The following SHB variants were observed in gnomAD, a reference collection of about 807,000 sequenced individuals.
SHB encodes SH2 domain-containing adapter protein B.
In SHB, 20 loss-of-function variants were observed where a neutral mutation model predicts 52.3. The observed-to-expected ratio is 0.38, with a 90% CI of 0.27 to 0.56. SHB has a LOEUF of 0.56. Ranked by LOEUF, SHB falls within the 20% of genes least tolerant of loss-of-function variation. SHB has a pLI of 0.71. For synonymous variants in SHB, 397 were observed against 316.5 expected, an observed-to-expected ratio of 1.25 and a Z score of -2.70; for missense variants, 825 against 723.3, an observed-to-expected ratio of 1.14 and a Z score of -1.61.
chr9:38,010,796 G>T (rs547050468), intron 2 of SHB, among the ~76,000 whole-genome samples: 9 of 152,260 alleles, frequency 5.9e-5, no homozygotes, highest in Admixed American at 4.6e-4. Context: ...CCGGCCTGGA[G>T]CCCCTGCAAT....
chr9:37,940,322 A>G (rs1258427148), intron 5 of SHB, among the ~76,000 whole-genome samples: 1 of 152,200 alleles, frequency 6.6e-6, no homozygotes, highest in Non-Finnish European at 1.5e-5. Flanking sequence ...TATTCCTCAC[A>G]GTGTCCCCTC....
At chr9:38,014,096 G>A (rs549015939) in intron 2 of SHB, among the ~76,000 whole-genome samples, 2 of 152,254 alleles carry the variant, frequency 1.3e-5, no homozygotes, top group Admixed American at 1.3e-4. Context: ...GCAAAGCGCA[G>A]GCCATACTTT....
chr9:37,937,639 G>A (rs1832388458), intron 5 of SHB, among the ~76,000 whole-genome samples: 1 of 152,206 alleles, frequency 6.6e-6, no homozygotes, highest in South Asian at 2.1e-4. Flanking sequence ...CGAGTGTGCC[G>A]CATACACAAC....
chr9:37,953,871 G>C (rs1832595723), intron 4 of SHB, among the ~76,000 whole-genome samples: 1 of 152,150 alleles, frequency 6.6e-6, no homozygotes, highest in Admixed American at 6.5e-5. Context: ...TCATCTTGGG[G>C]AGTTAATCGT....
intron 3 of SHB, among the ~76,000 whole-genome samples, chr9:37,968,531 A>C (rs1820556857): frequency 6.6e-6 from 1 of 152,230 alleles, no homozygotes; most frequent in South Asian, 2.1e-4. Context: ...TGTGTCTTTT[A>C]TCTTTGCTAT....
chr9:37,985,960 C>T (rs1428945372), intron 2 of SHB, among the ~76,000 whole-genome samples: 1 of 152,252 alleles, frequency 6.6e-6, no homozygotes, highest in Non-Finnish European at 1.5e-5. Flanking sequence ...TTTTATAATT[C>T]AGAAACTGAG....
chr9:38,011,267 T>C (rs1821138556), intron 2 of SHB, among the ~76,000 whole-genome samples: 1 of 152,158 alleles, frequency 6.6e-6, no homozygotes, highest in Admixed American at 6.5e-5. Flanking sequence ...ACAGAGATGA[T>C]GGGGCATGAA....
intron 1 of SHB, among the ~76,000 whole-genome samples, chr9:38,018,102 A>T (rs778221853): frequency 6.6e-6 from 1 of 152,110 alleles, no homozygotes; most frequent in African/African-American, 2.4e-5. Flanking sequence ...TTTTGCAATA[A>T]GGAAGGGAAA....
At chr9:38,006,392 TGCCCAGCACGCAGG>T (rs1392599116) in intron 2 of SHB, among the ~76,000 whole-genome samples, 1 of 152,224 alleles carries the variant, frequency 6.6e-6, no homozygotes, top group East Asian at 1.9e-4. Context: ...TTCCACACCC[TGCCCAGCACGCAGG>T]GAGCTGGGCG....
intron 1 of SHB, among the ~76,000 whole-genome samples, chr9:38,033,936 T>C (rs1172689284): frequency 3.9e-5 from 6 of 152,176 alleles, no homozygotes; most frequent in Admixed American, 3.9e-4. Flanking sequence ...TTCCCATTCA[T>C]GAATTACCCA....
intron 1 of SHB, among the ~76,000 whole-genome samples, chr9:38,060,479 G>A (rs372299868): frequency 2.6e-5 from 4 of 152,116 alleles, no homozygotes; most frequent in Middle Eastern, 3.2e-3. Context: ...ATGAACCACC[G>A]ACCTGACTTT....
chr9:38,016,194 C>T lies in SHB; in HGVS notation c.718-63G>A, dbSNP rs111713018. Reference sequence around the variant, plus strand: ...GGCTTTTTTGTTTCACATCTCTTCACAGCTAGGCTTTGGGCCTCAGCTAGA... The same window carrying T: ...GGCTTTTTTGTTTCACATCTCTTCATAGCTAGGCTTTGGGCCTCAGCTAGA... On this transcript the variant is annotated intron_variant, in intron 1 of 5. Coordinates refer to ENST00000377707, the MANE Select transcript of SHB (RefSeq NM_003028.3). The T allele has an allele frequency of 1.9e-4, 299 of 1,583,520 alleles. 5 individuals are homozygous for T. The African/African-American group carries it at 2.9e-3, about 15-fold the overall frequency.
chr9:38,034,567 G>A (rs553026325), intron 1 of SHB, among the ~76,000 whole-genome samples: 1 of 152,234 alleles, frequency 6.6e-6, no homozygotes, highest in Non-Finnish European at 1.5e-5. Flanking sequence ...AACTTCTACT[G>A]GTTGGTTCTC....
At chr9:37,923,415 GC>G (rs1165757290) in intron 5 of SHB, among the ~76,000 whole-genome samples, 5 of 152,220 alleles carry the variant, frequency 3.3e-5, no homozygotes, top group Non-Finnish European at 7.3e-5. Context: ...GATTGGTGGA[GC>G]CCCCCAGCCT....
At position 37,918,427 on chromosome 9, in the gene SHB, G is replaced by GTCCCTGGGAGGTCAGGATTC. The variant is rs1832130620; in HGVS notation, c.*1393_*1394insGAATCCTGACCTCCCAGGGA. On this transcript the variant is annotated 3_prime_UTR_variant, in exon 6 of 6. Transcript: ENST00000377707. ...CAGTGTGGACCACTGAGGGCTGTGT[G>GTCCCTGGGAGGTCAGGATTC]TGTGTGTGTGTGTGTGTGTAGGTGT... 1.8e-5 allele frequency among the ~76,000 whole-genome samples: 2 copies of GTCCCTGGGAGGTCAGGATTC among 114,060 alleles called. No homozygotes were observed. The highest frequency in any genetic ancestry group is 6.7e-5 in the African/African-American group (2 of 29,654). The allele number at this position is 114,060 out of a possible 152,430, so 74.8% of individuals were successfully genotyped here.
At chr9:38,051,312 G>A (rs1432293175) in intron 1 of SHB, among the ~76,000 whole-genome samples, 5 of 151,856 alleles carry the variant, frequency 3.3e-5, no homozygotes, top group African/African-American at 7.3e-5. Context: ...GCATGGTGGC[G>A]CATGCCTGTA....
At chr9:37,962,820 C>T (rs1416910508) in intron 3 of SHB, among the ~76,000 whole-genome samples, 1 of 152,186 alleles carries the variant, frequency 6.6e-6, no homozygotes, top group African/African-American at 2.4e-5. Flanking sequence ...GCCTAGCTTA[C>T]TCTTTATTTA....
intron 1 of SHB, among the ~76,000 whole-genome samples, chr9:38,052,798 C>T (rs1359376903): frequency 2.0e-5 from 3 of 152,242 alleles, no homozygotes; most frequent in Admixed American, 2.0e-4. Flanking sequence ...GGCCTTCCCA[C>T]ACCTGGCTTC....
chr9:37,918,376 T>C lies in SHB; in HGVS notation c.*1445A>G, dbSNP rs1356236015. Among the ~76,000 whole-genome samples, 1 of 118,934 alleles carries C rather than the reference T, an allele frequency of 8.4e-6. No individual in the cohort carries two copies. Among genetic ancestry groups the C allele is most frequent in the Non-Finnish European group, 1.9e-5 (1 of 52,380 alleles). 78.0% of individuals were successfully genotyped at this position (118,934 alleles called of 152,430 possible). ...GAGAGAGGTCGCGTGTGCGTGTGCG[T>C]GTGTAGGTGTTCTTGTGTGTGGAAG... On this transcript the variant is annotated 3_prime_UTR_variant, in exon 6 of 6. Transcript: ENST00000377707.
Sources: gnomAD v4.1 joint callset for allele counts (sites outside exome capture counted in the v4.1 genomes callset) on GRCh38, gnomAD v4.1.1 for gene constraint, MANE v1.5 for transcripts, NCBI Gene and HGNC (gene_info 2026-07-23, HGNC 2026-07-21) for gene names.